Variants in FSTL5 observed in about 807,000 individuals in gnomAD.
FSTL5 encodes the protein follistatin-related protein 5.
FSTL5 carries 62 observed loss-of-function variants against 89.1 expected under a neutral mutation model. That is an observed-to-expected ratio of 0.70 (90% CI 0.57 to 0.86). The LOEUF is 0.86. Ranked by LOEUF, FSTL5 falls within the 40% of genes least tolerant of loss-of-function variation. The probability of loss-of-function intolerance (pLI) is 0.00; values close to 1 mark genes in which losing one functional copy is unlikely to be tolerated. For synonymous variants in FSTL5, 383 were observed against 346.2 expected (o/e 1.11, Z -1.18); for missense variants, 1,057 against 1,001.6 (o/e 1.06, Z -0.75).
chr4:161,476,438 T>C (rs1385218847), intron 13 of FSTL5, among the ~76,000 whole-genome samples: 1 of 151,964 alleles, frequency 6.6e-6, no homozygotes, highest in Non-Finnish European at 1.5e-5. Flanking sequence ...CCACCCACCT[T>C]GGCCTCCCAA....
chr4:161,829,721 C>A (rs1560869191), intron 4 of FSTL5, among the ~76,000 whole-genome samples: 1 of 152,024 alleles, frequency 6.6e-6, no homozygotes, highest in East Asian at 1.9e-4. Flanking sequence ...AACATCTGTG[C>A]TTTCTAAATG....
chr4:162,001,488 A>C (rs1046015722), intron 3 of FSTL5, among the ~76,000 whole-genome samples: 119 of 152,262 alleles, frequency 7.8e-4, no homozygotes, highest in African/African-American at 2.8e-3. Context: ...TTTCTATGAG[A>C]TCTAGTTCTC....
Position 161,435,086 on chromosome 4 carries a change from A to C in FSTL5, c.1841+19918T>G, listed in dbSNP as rs913437278. On this transcript the variant is annotated intron_variant, in intron 15 of 15. Coordinates refer to ENST00000306100, the MANE Select transcript of FSTL5 (RefSeq NM_020116.5). ...CCCATTGCTAGGCATATAACCCCCCAAAAAGGAAATCAGTATTTTGAAGAG... is the reference window on the plus strand; with the variant it reads ...CCCATTGCTAGGCATATAACCCCCCCAAAAGGAAATCAGTATTTTGAAGAG... 3.9e-5 allele frequency among the ~76,000 whole-genome samples: 6 copies of C among 152,188 alleles called. No homozygotes were observed. The East Asian group carries it at 1.2e-3, about 29-fold the overall frequency.
chr4:161,825,185 G>A (rs13140093), intron 4 of FSTL5, among the ~76,000 whole-genome samples: 112,332 of 152,086 alleles, frequency 0.74, 41,869 homozygotes, highest in East Asian at 0.82. Flanking sequence ...TTTATGTGGC[G>A]TATCACATTT....
intron 4 of FSTL5, among the ~76,000 whole-genome samples, chr4:161,908,276 A>G (rs1297426823): frequency 1.3e-5 from 2 of 152,030 alleles, no homozygotes; most frequent in East Asian, 3.9e-4. Flanking sequence ...TTAGGTTCCA[A>G]TACATGATTA....
intron 4 of FSTL5, among the ~76,000 whole-genome samples, chr4:161,776,555 A>G (rs1741420156): frequency 6.7e-6 from 1 of 149,924 alleles, no homozygotes; most frequent in South Asian, 2.1e-4. Context: ...ATACGTATGT[A>G]TATATGTATA....
intron 5 of FSTL5, among the ~76,000 whole-genome samples, chr4:161,765,733 C>A (rs558660342): frequency 2.6e-5 from 4 of 151,610 alleles, no homozygotes; most frequent in Non-Finnish European, 5.9e-5. Flanking sequence ...ATAAGTAGTT[C>A]TTTTCATTAT....
intron 10 of FSTL5, among the ~76,000 whole-genome samples, chr4:161,511,177 T>C (rs1317549651): frequency 6.6e-6 from 1 of 152,106 alleles, no homozygotes; most frequent in Admixed American, 6.6e-5. Flanking sequence ...AGCAAAATCA[T>C]AAAAGTGTAA....
chr4:161,975,754 AAAAATAAAATAAAATAAAATAAAAT>A (rs201057312), intron 3 of FSTL5, among the ~76,000 whole-genome samples: 3 of 134,934 alleles, frequency 2.2e-5, no homozygotes, highest in Admixed American at 7.5e-5. Context: ...AAAGTATAAT[AAAAATAAAATAAAATAAAATAAAAT>A]AAAATAAAAT....
At position 162,150,678 on chromosome 4, in the gene FSTL5, G is replaced by A. The variant is rs570727612; in HGVS notation, c.-17+12937C>T. Reference sequence around the variant, plus strand: ...CAAAATCATGGCACCCAACACTGTGGTTAAATAATATCTCAACCATTGCTA... The same window carrying A: ...CAAAATCATGGCACCCAACACTGTGATTAAATAATATCTCAACCATTGCTA... On this transcript the variant is annotated intron_variant, in intron 1 of 15. Transcript: ENST00000306100. Among the ~76,000 whole-genome samples, 9 of 152,208 alleles carry A rather than the reference G, an allele frequency of 5.9e-5. No individual in the cohort carries two copies. The South Asian group carries it at 1.9e-3, about 32-fold the overall frequency.
At chr4:162,009,459 C>T (rs1469582903) in intron 3 of FSTL5, among the ~76,000 whole-genome samples, 1 of 151,874 alleles carries the variant, frequency 6.6e-6, no homozygotes, top group Non-Finnish European at 1.5e-5. Context: ...AAAATGAATA[C>T]AATAATTGTT....
At chr4:161,712,063 T>A (rs1738798618) in intron 6 of FSTL5, among the ~76,000 whole-genome samples, 4 of 152,020 alleles carry the variant, frequency 2.6e-5, no homozygotes, top group Admixed American at 6.6e-5. Flanking sequence ...AGATCAAGAA[T>A]AAGAAAAAAC....
At chr4:162,015,613 G>C (rs1023382588) in intron 3 of FSTL5, among the ~76,000 whole-genome samples, 22 of 152,296 alleles carry the variant, frequency 1.4e-4, no homozygotes, top group Admixed American at 1.2e-3. Context: ...CCTTCCTTAT[G>C]ATGGATGAAC....
chr4:161,895,853 T>C (rs900354949), intron 4 of FSTL5, among the ~76,000 whole-genome samples: 10 of 152,092 alleles, frequency 6.6e-5, no homozygotes, highest in Non-Finnish European at 1.5e-5. Context: ...GGATTCAAAA[T>C]CAGTATTCAG....
chr4:161,850,652 C>G (rs1731520409), intron 4 of FSTL5, among the ~76,000 whole-genome samples: 2 of 152,190 alleles, frequency 1.3e-5, no homozygotes, highest in Admixed American at 1.3e-4. Context: ...CTGATGGGAG[C>G]TGGTTGTACA....
At chr4:161,615,186 C>T (rs763155810) in intron 7 of FSTL5, among the ~76,000 whole-genome samples, 40 of 149,592 alleles carry the variant, frequency 2.7e-4, no homozygotes, top group Non-Finnish European at 5.0e-4. Context: ...CCCAGCTACT[C>T]GGGAGGCCAA....
chr4:161,648,441 C>A (rs1337670286), intron 7 of FSTL5, among the ~76,000 whole-genome samples: 1 of 152,116 alleles, frequency 6.6e-6, no homozygotes, highest in East Asian at 1.9e-4. Context: ...GACAAGGGAA[C>A]TTTTCCCGTT....
At chr4:161,863,361 G>T (rs1170542823) in intron 4 of FSTL5, among the ~76,000 whole-genome samples, 1 of 152,150 alleles carries the variant, frequency 6.6e-6, no homozygotes, top group Non-Finnish European at 1.5e-5. Context: ...GGCAAGGGAA[G>T]TTTTATCATC....
chr4:161,919,769 A>G (rs1733940955), intron 4 of FSTL5, among the ~76,000 whole-genome samples: 1 of 152,204 alleles, frequency 6.6e-6, no homozygotes, highest in Non-Finnish European at 1.5e-5. Context: ...AAACTGTTCA[A>G]TGATTTATTT....
Sources: allele counts gnomAD v4.1 joint callset (sites outside exome capture counted in the v4.1 genomes callset), GRCh38; gene constraint gnomAD v4.1.1; transcripts MANE v1.5; gene names NCBI Gene and HGNC (gene_info 2026-07-23, HGNC 2026-07-21).